The following RBFOX3 variants were observed in gnomAD, a reference collection of about 807,000 sequenced individuals.
RBFOX3 encodes the protein RNA binding protein fox-1 homolog 3.
A neutral mutation model predicts 48.7 loss-of-function variants in RBFOX3; 17 were observed. The ratio of observed to expected loss-of-function variants is 0.35; its 90% CI spans 0.24 to 0.52. The LOEUF (loss-of-function observed/expected upper bound fraction) is 0.52. Ranked by LOEUF, RBFOX3 falls within the 20% of genes least tolerant of loss-of-function variation. The probability of loss-of-function intolerance (pLI) is 0.94; values close to 1 mark genes in which losing one functional copy is unlikely to be tolerated. For synonymous variants in RBFOX3, 212 were observed against 209.5 expected (o/e 1.01, Z -0.10); for missense variants, 382 against 497.5 (o/e 0.77, Z 2.21).
chr17:79,398,445 C>T (rs1338368363), intron 2 of RBFOX3, among the ~76,000 whole-genome samples: 1 of 152,120 alleles, frequency 6.6e-6, no homozygotes, highest in Admixed American at 6.5e-5. Flanking sequence ...TATCTGTCAG[C>T]GTTTAACATA....
At chr17:79,152,547 C>T (rs868461167) in intron 4 of RBFOX3, among the ~76,000 whole-genome samples, 4 of 152,342 alleles carry the variant, frequency 2.6e-5, no homozygotes, top group South Asian at 2.1e-4. Context: ...CCCCGCTTAA[C>T]GCCCCACAAG....
chr17:79,499,437 TCATC>T, intron 1 of RBFOX3, among the ~76,000 whole-genome samples: 1 of 151,702 alleles, frequency 6.6e-6, no homozygotes, highest in Middle Eastern at 3.5e-3. Context: ...ATCTATATAT[TCATC>T]CATCCATCCA....
chr17:79,587,688 C>T (rs988424845), intron 1 of RBFOX3, among the ~76,000 whole-genome samples: 2 of 152,254 alleles, frequency 1.3e-5, no homozygotes, highest in African/African-American at 4.8e-5. Context: ...TCGGACCAAG[C>T]GGCACCTAGG....
intron 4 of RBFOX3, among the ~76,000 whole-genome samples, chr17:79,187,470 G>A (rs1453440698): frequency 7.9e-5 from 12 of 152,272 alleles, no homozygotes; most frequent in East Asian, 5.8e-4. Context: ...CAAATACATC[G>A]TGCTTTCCGC....
chr17:79,434,396 G>T (rs557214608), intron 2 of RBFOX3, among the ~76,000 whole-genome samples: 1 of 152,170 alleles, frequency 6.6e-6, no homozygotes, highest in African/African-American at 2.4e-5. Context: ...CGTTTGTTAC[G>T]CAGCAAGAAC....
rs1370868777 is a variant in RBFOX3 at position 79,523,695 on chromosome 17, G to C, written c.-319-41097C>G. On this transcript the variant is annotated intron_variant, in intron 1 of 14. Transcript: ENST00000693108. ...TGCCAGGATTCCGGTGAGGGATAAG[G>C]CAAGCTGCCTGCCCTCGGGACTCAC... Among the ~76,000 whole-genome samples, 4 of 152,310 alleles carry C rather than the reference G, an allele frequency of 2.6e-5. No homozygotes were observed. The East Asian group carries it at 5.8e-4, about 22-fold the overall frequency.
At chr17:79,354,707 G>A (rs981227164) in intron 2 of RBFOX3, among the ~76,000 whole-genome samples, 1 of 152,204 alleles carries the variant, frequency 6.6e-6, no homozygotes, top group African/African-American at 2.4e-5. Flanking sequence ...CCCTCAGGAG[G>A]GTTTCCCTTC....
chr17:79,425,703 C>T (rs1488356151), intron 2 of RBFOX3, among the ~76,000 whole-genome samples: 2 of 152,040 alleles, frequency 1.3e-5, no homozygotes, highest in Non-Finnish European at 2.9e-5. Flanking sequence ...AGGAGGGCCA[C>T]GAATTCCGAC....
At chr17:79,426,125 T>G (rs556240333) in intron 2 of RBFOX3, among the ~76,000 whole-genome samples, 4 of 151,982 alleles carry the variant, frequency 2.6e-5, no homozygotes, top group Non-Finnish European at 5.9e-5. Context: ...GGGGCATGGG[T>G]GCTGGTGGCC....
intron 2 of RBFOX3, among the ~76,000 whole-genome samples, chr17:79,349,103 T>C (rs559999870): frequency 6.6e-6 from 1 of 152,082 alleles, no homozygotes; most frequent in African/African-American, 2.4e-5. Flanking sequence ...ATGTACCCAT[T>C]TCTTGGCTCC....
chr17:79,654,770 T>C, the RBFOX3 span, among the ~76,000 whole-genome samples: 1 of 152,210 alleles, frequency 6.6e-6, no homozygotes, highest in Non-Finnish European at 1.5e-5. Flanking sequence ...CATCTGGGAA[T>C]TCCACTTTGA....
the RBFOX3 span, among the ~76,000 whole-genome samples, chr17:79,655,244 A>G: frequency 1.3e-5 from 2 of 152,180 alleles, no homozygotes; most frequent in African/African-American, 2.4e-5. Flanking sequence ...CGCAGGGGGA[A>G]AAAGCGGGAG....
intron 14 of RBFOX3, chr17:79,091,925 T>C (rs2073992664): frequency 1.0e-6 from 1 of 981,346 alleles, no homozygotes. Context: ...CGCGACACGC[T>C]TGTGACTACG....
intron 2 of RBFOX3, among the ~76,000 whole-genome samples, chr17:79,440,378 TCC>T (rs1238283198): frequency 6.6e-6 from 1 of 152,078 alleles, no homozygotes; most frequent in Non-Finnish European, 1.5e-5. Context: ...GGTACCATCC[TCC>T]CCATCTGATG....
At chr17:79,496,255 T>C (rs1349656441) in intron 1 of RBFOX3, among the ~76,000 whole-genome samples, 3 of 151,924 alleles carry the variant, frequency 2.0e-5, no homozygotes, top group African/African-American at 7.3e-5. Flanking sequence ...TTCCTTGGCG[T>C]CCTGTTACAG....
intron 4 of RBFOX3, among the ~76,000 whole-genome samples, chr17:79,215,268 G>A (rs2058885213): frequency 6.6e-6 from 1 of 151,586 alleles, no homozygotes; most frequent in Non-Finnish European, 1.5e-5. Context: ...GCAACGCTGA[G>A]GCTGTAGGGG....
At chr17:79,328,001 T>C (rs866454215) in intron 2 of RBFOX3, among the ~76,000 whole-genome samples, 1 of 152,134 alleles carries the variant, frequency 6.6e-6, no homozygotes, top group African/African-American at 2.4e-5. Flanking sequence ...GCCTTCCTTC[T>C]CTCTCTTATC....
intron 4 of RBFOX3, among the ~76,000 whole-genome samples, chr17:79,144,930 C>T (rs190322264): frequency 6.8e-4 from 103 of 152,310 alleles, no homozygotes; most frequent in South Asian, 2.1e-4. Context: ...CACCAGGTTC[C>T]GAGTCCAAAG....
At chr17:79,375,193 A>G (rs558232366) in intron 2 of RBFOX3, among the ~76,000 whole-genome samples, 1 of 152,292 alleles carries the variant, frequency 6.6e-6, no homozygotes, top group African/African-American at 2.4e-5. Context: ...CCTCCAGGAG[A>G]TTCCAGAGAA....
Sources: allele counts gnomAD v4.1 joint callset (sites outside exome capture counted in the v4.1 genomes callset), GRCh38; gene constraint gnomAD v4.1.1; transcripts MANE v1.5; gene names NCBI Gene and HGNC (gene_info 2026-07-23, HGNC 2026-07-21).